Variants in TCF3 observed in about 807,000 individuals in gnomAD.
TCF3 encodes the protein transcription factor E2-alpha.
Under a neutral mutation model 72.3 loss-of-function variants are expected in TCF3, and 54 were observed. The observed-to-expected ratio is 0.75, with a 90% CI of 0.60 to 0.94. The LOEUF is 0.94. Among genes scored for constraint, TCF3 ranks in the 40% least tolerant of loss-of-function variants. The pLI is 0.00. For synonymous variants in TCF3, 525 were observed against 412.6 expected, an observed-to-expected ratio of 1.27 and a Z score of -3.30; for missense variants, 1,078 against 934.4, an observed-to-expected ratio of 1.15 and a Z score of -2.00.
rs761667569 is a variant in TCF3, at chr19:1,619,324, C to T, written c.1318G>A (p.Ala440Thr). The change falls in exon 15 of 19, where the codon GCA becomes ACA. Residue 440 changes from alanine to threonine, a missense_variant. Transcript: ENST00000262965. ...CCTCGCCCAGCGCTCACCAGGCCTG[C>T]GTGCCGCCCGCCCAGTGACATGGGG... ...TGPMSLGGRH[A>T]GLVGGSHPED... 6.0e-5 allele frequency: 95 copies of T among 1,572,794 alleles called. No homozygotes were observed. The highest frequency in any genetic ancestry group is 4.0e-4 in the Middle Eastern group (2 of 5,062).
intron 8 of TCF3, 84 bp downstream of exon 8, chr19:1,623,865 ATG>A: frequency 7.1e-7 from 1 of 1,406,846 alleles, no homozygotes; most frequent in South Asian, 1.2e-5. Context: ...CCACCCCGCC[ATG>A]TGTGTTCCCA....
intron 3 of TCF3, among the ~76,000 whole-genome samples, chr19:1,640,547 A>T (rs1293491471): frequency 6.9e-6 from 1 of 145,860 alleles, no homozygotes. Flanking sequence ...TGATGTAAGC[A>T]GTGGCTCACA....
chr19:1,621,332 C>T (rs1599597253), intron 11 of TCF3, 141 bp from the exon 12 acceptor site: 1 of 1,039,632 alleles, frequency 9.6e-7, no homozygotes. Context: ...TTCTGTCTGA[C>T]CCCCTGAAAC....
At chr19:1,625,752 G>T in intron 6 of TCF3, 44 bp from the exon 7 acceptor site, 1 of 1,460,674 alleles carries the variant, frequency 6.8e-7, no homozygotes, top group South Asian at 1.4e-5. Context: ...CTGGCATCCA[G>T]ACCCCAGGCT....
At chr19:1,651,101 G>A (rs2145815408) in intron 1 of TCF3, 1 of 232,332 alleles carries the variant, frequency 4.3e-6, no homozygotes, top group African/African-American at 2.2e-5. Context: ...CTCCCGCGTG[G>A]TCCCAGGGGG....
At chr19:1,632,012 G>C in intron 5 of TCF3, 26 bp downstream of exon 5, 2 of 1,609,368 alleles carry the variant, frequency 1.2e-6, no homozygotes, top group Non-Finnish European at 1.7e-6. Context: ...GCACAGCAGA[G>C]GGACCGCACC....
chr19:1,617,750 C>T lies in TCF3; in HGVS notation c.1450+1361G>A, dbSNP rs1322009467. Among the ~76,000 whole-genome samples the T allele has an allele frequency of 2.0e-5, 3 of 152,338 alleles. No individual in the cohort carries two copies. The East Asian group carries it at 5.8e-4, about 29-fold the overall frequency. ...GGGTGAAAGACTAAGCTTGGGGCTGCCCCTGGAAACTGCTGACCTGTGGGT... is the reference window on the plus strand; with the variant it reads ...GGGTGAAAGACTAAGCTTGGGGCTGTCCCTGGAAACTGCTGACCTGTGGGT... On this transcript the variant is annotated intron_variant, in intron 16 of 18. Coordinates refer to ENST00000262965, the MANE Select transcript of TCF3 (RefSeq NM_003200.5).
At chr19:1,643,659 G>C (rs1600082608) in intron 3 of TCF3, among the ~76,000 whole-genome samples, 2 of 152,232 alleles carry the variant, frequency 1.3e-5, no homozygotes, top group African/African-American at 2.4e-5. Flanking sequence ...GGGATTAAAG[G>C]TGTGAGCCAC....
At chr19:1,642,378 C>A (rs1364933001) in intron 3 of TCF3, among the ~76,000 whole-genome samples, 2 of 152,210 alleles carry the variant, frequency 1.3e-5, no homozygotes, top group Non-Finnish European at 2.9e-5. Context: ...TGGACGGCAC[C>A]AATGTCGGCT....
chr19:1,619,702 A>AG (rs1287553098), intron 14 of TCF3, 78 bp downstream of exon 14: 18 of 1,183,056 alleles, frequency 1.5e-5, no homozygotes, highest in African/African-American at 1.9e-5. Flanking sequence ...ACTAACAAAA[A>AG]GGTTTCTCCT....
At position 1,619,770 on chromosome 19, in the gene TCF3, A is replaced by G. The variant is rs759995725; in HGVS notation, c.1167+10T>C. 66 of 1,517,868 alleles carry G rather than the reference A, an allele frequency of 4.3e-5. No individual in the cohort carries two copies. The highest frequency in any genetic ancestry group is 2.2e-4 in the South Asian group (18 of 82,928). The allele number at this position is 1,517,868 out of a possible 1,614,324, so 94.0% of individuals were successfully genotyped here. A position where few individuals can be genotyped will look rare whatever the true frequency, so the allele number is the denominator to read the frequency against. On this transcript the variant is annotated intron_variant, in intron 14 of 18. Coordinates refer to ENST00000262965, the MANE Select transcript of TCF3 (RefSeq NM_003200.5). ...GGGGAAGGGTGGGGTGGGGCGGGGC[A>G]GGCACTCACCAGGCCGTGGAGACCC...
intron 3 of TCF3, among the ~76,000 whole-genome samples, chr19:1,641,694 C>A (rs2065266343): frequency 6.6e-6 from 1 of 152,068 alleles, no homozygotes; most frequent in South Asian, 2.1e-4. Flanking sequence ...CTCATGTGAT[C>A]CACACACCCT....
At chr19:1,620,196 G>A (rs917530207) in intron 13 of TCF3, among the ~76,000 whole-genome samples, 5 of 152,196 alleles carry the variant, frequency 3.3e-5, no homozygotes, top group African/African-American at 9.7e-5. Flanking sequence ...TCCAGCAGCA[G>A]GCAAGAAAGT....
At position 1,632,207 on chromosome 19, in the gene TCF3, C is replaced by T. The variant is rs1320643409; in HGVS notation, c.220-91G>A. On this transcript the variant is annotated intron_variant, in intron 4 of 18. Transcript: ENST00000262965. ...ACAGCTGGAGAGGCAGGACTCAAACCCATGTCCCCCAGTCCAAACCCCTGG... is the reference window on the plus strand; with the variant it reads ...ACAGCTGGAGAGGCAGGACTCAAACTCATGTCCCCCAGTCCAAACCCCTGG... 2.6e-6 allele frequency: 4 copies of T among 1,553,832 alleles called. No homozygotes were observed. The Admixed American group carries it at 5.8e-5, about 23-fold the overall frequency.
At chr19:1,636,587 G>C (rs2064439576) in intron 3 of TCF3, among the ~76,000 whole-genome samples, 1 of 152,202 alleles carries the variant, frequency 6.6e-6, no homozygotes, top group African/African-American at 2.4e-5. Flanking sequence ...GGCGTGCACA[G>C]CCTCCATTTT....
chr19:1,621,099 C>G, intron 12 of TCF3, 34 bp downstream of exon 12: 1 of 1,524,062 alleles, frequency 6.6e-7, no homozygotes, highest in Non-Finnish European at 8.9e-7. Context: ...TCTCAGGTCA[C>G]TTGCCTGGCC....
chr19:1,634,715 G>A (rs1310703788), intron 3 of TCF3, among the ~76,000 whole-genome samples: 3 of 152,210 alleles, frequency 2.0e-5, no homozygotes, highest in East Asian at 1.9e-4. Flanking sequence ...TTCAAAAGGC[G>A]CTTAGTAAAT....
chr19:1,615,304 G>C lies in TCF3; in HGVS notation c.1803C>G (p.Asn601Lys). Residue 601 changes from asparagine (N) to lysine (K), a missense_variant, in exon 18 of 19, where the codon AAC (asparagine) becomes AAG (lysine). By Grantham distance (94) the Asn-to-Lys change is moderately conservative. Coordinates refer to ENST00000262965, the MANE Select transcript of TCF3 (RefSeq NM_003200.5). The surrounding 1 kb of genome is among the most constrained non-coding windows in gnomAD (Gnocchi z 7.3). ...ILHQAVSVILNLEQQVRERNL... is the reference protein window; with the variant it reads ...ILHQAVSVILKLEQQVRERNL... ...ACTGACCTCGCACTTGCTGCTCCAA[G>C]TTCAGGATGACCGAGACAGCCTGGT... 1 of 1,599,686 alleles carries C rather than the reference G, an allele frequency of 6.3e-7. No homozygotes were observed. The highest frequency in any genetic ancestry group is 8.6e-7 in the Non-Finnish European group (1 of 1,168,794).
At chr19:1,633,443 C>T (rs933988110) in intron 3 of TCF3, among the ~76,000 whole-genome samples, 2 of 152,138 alleles carry the variant, frequency 1.3e-5, no homozygotes, top group Non-Finnish European at 2.9e-5. Context: ...TCAGGCTGTT[C>T]TGCAGGCTCC....
Sources: gnomAD v4.1 joint callset for allele counts (sites outside exome capture counted in the v4.1 genomes callset) on GRCh38, gnomAD v4.1.1 for gene constraint, Gnocchi (gnomAD v3.1) non-coding constraint, MANE v1.5 for transcripts, NCBI Gene and HGNC (gene_info 2026-07-23, HGNC 2026-07-21) for gene names.